Variants in RB1 observed in about 807,000 individuals in gnomAD.
RB1 encodes RB transcriptional corepressor 1, also known as retinoblastoma-associated protein.
A neutral mutation model predicts 135.4 loss-of-function variants in RB1; 18 were observed. The ratio of observed to expected loss-of-function variants is 0.13; its 90% CI spans 0.09 to 0.20. The LOEUF (loss-of-function observed/expected upper bound fraction) is 0.20. Among genes scored for constraint, RB1 ranks in the 10% least tolerant of loss-of-function variants. RB1 has a pLI of 1.00. For synonymous variants in RB1, 365 were observed against 373.2 expected, an observed-to-expected ratio of 0.98 and a Z score of 0.25; for missense variants, 868 against 1,110.0, an observed-to-expected ratio of 0.78 and a Z score of 3.10.
chr13:48,351,208 A>T (rs796398107), intron 6 of RB1, among the ~76,000 whole-genome samples: 29 of 152,250 alleles, frequency 1.9e-4, no homozygotes, highest in African/African-American at 6.5e-4. Context: ...AAGAGTGTAT[A>T]AGTGTTCTCT....
At chr13:48,463,299 G>A (rs1161972284) in intron 20 of RB1, among the ~76,000 whole-genome samples, 1 of 152,138 alleles carries the variant, frequency 6.6e-6, no homozygotes, top group African/African-American at 2.4e-5. Context: ...CAACACATAA[G>A]ACTCTCTTAC....
intron 12 of RB1, 37 bp from the exon 13 acceptor site, chr13:48,376,881 T>C (rs760425909): frequency 1.9e-6 from 3 of 1,612,106 alleles, no homozygotes; most frequent in Non-Finnish European, 2.5e-6. Flanking sequence ...GATTACACAG[T>C]ATCCTCGACA....
In RB1 at chr13:48,347,710, T is replaced by G. The variant is rs1952510456; in HGVS notation, c.501-115T>G. The stretch of plus-strand genomic sequence containing the variant: ...GAACTTTGTTTTATAATGCTATATA[T>G]TTTTTGTTTTTAAAATATATACTTC... On this transcript the variant is annotated intron_variant, in intron 4 of 26. Transcript: ENST00000267163. The G allele has an allele frequency of 8.6e-6, 6 of 694,662 alleles. No homozygotes were observed. In the East Asian group the frequency reaches 1.7e-4, roughly 19 times the overall value. 43.0% of individuals were successfully genotyped at this position (694,662 alleles called of 1,614,324 possible). A position where few individuals can be genotyped will look rare whatever the true frequency, so the allele number is the denominator to read the frequency against.
intron 2 of RB1, among the ~76,000 whole-genome samples, chr13:48,320,755 CG>C (rs1411407568): frequency 6.6e-6 from 1 of 151,572 alleles, no homozygotes; most frequent in African/African-American, 2.4e-5. Context: ...CGCTTGAAGC[CG>C]GAAGGTGGAG....
chr13:48,362,680 C>A, intron 7 of RB1, 135 bp from the exon 8 acceptor site: 2 of 941,244 alleles, frequency 2.1e-6, no homozygotes, highest in Non-Finnish European at 1.6e-6. Flanking sequence ...AATTGTTATC[C>A]TTCTAATGAA....
At chr13:48,359,961 C>T in intron 6 of RB1, 56 bp from the exon 7 acceptor site, 1 of 1,599,480 alleles carries the variant, frequency 6.3e-7, no homozygotes, top group Admixed American at 1.7e-5. Context: ...GCGATTTTCT[C>T]TCATACAAAG....
intron 11 of RB1, among the ~76,000 whole-genome samples, chr13:48,372,666 A>T (rs1002311424): frequency 7.9e-5 from 12 of 152,032 alleles, no homozygotes; most frequent in Non-Finnish European, 1.5e-4. Context: ...AAAAAAAGAA[A>T]AAGAAAAGAA....
intron 1 of RB1, 82 bp downstream of exon 1, chr13:48,304,131 G>A (rs2138028548): frequency 7.7e-7 from 1 of 1,307,076 alleles, no homozygotes; most frequent in South Asian, 2.1e-5. Context: ...CGGCTCGGCG[G>A]GGATCCGTCC....
chr13:48,358,831 A>G (rs117076800), intron 6 of RB1, among the ~76,000 whole-genome samples: 4 of 152,268 alleles, frequency 2.6e-5, no homozygotes, highest in Non-Finnish European at 5.9e-5. Context: ...AATGAAAGCA[A>G]AAGAATGTAC....
intron 21 of RB1, among the ~76,000 whole-genome samples, chr13:48,464,436 C>T (rs932312934): frequency 2.6e-5 from 4 of 152,238 alleles, no homozygotes; most frequent in Admixed American, 6.5e-5. Flanking sequence ...TTGTATATAT[C>T]AGAGGCATCT....
intron 7 of RB1, among the ~76,000 whole-genome samples, chr13:48,362,291 G>A (rs1223638907): frequency 1.5e-5 from 2 of 130,602 alleles, no homozygotes; most frequent in Non-Finnish European, 3.3e-5. Flanking sequence ...GTTTGGATTG[G>A]GAATGCTGAA....
intron 6 of RB1, among the ~76,000 whole-genome samples, chr13:48,349,701 C>CATAATG (rs1952530190): frequency 6.6e-6 from 1 of 151,854 alleles, no homozygotes; most frequent in Non-Finnish European, 1.5e-5. Context: ...CCAATAATAA[C>CATAATG]GTTGAACATA....
chr13:48,316,132 G>C (rs1952179394), intron 2 of RB1, among the ~76,000 whole-genome samples: 1 of 152,156 alleles, frequency 6.6e-6, no homozygotes, highest in African/African-American at 2.4e-5. Flanking sequence ...AGCAGCCGCT[G>C]ACATCCGCGG....
In RB1 at chr13:48,364,921, A is replaced by G. The variant is rs1286975378; in HGVS notation, c.889A>G (p.Ile297Val). The G allele has an allele frequency of 6.4e-7, 1 of 1,565,108 alleles. No individual in the cohort carries two copies. Among genetic ancestry groups the G allele is most frequent in the Non-Finnish European group, 8.7e-7 (1 of 1,151,128 alleles). ...GAAAAATGTTTATTTCAAAAATTTT[A>G]TACCTTTTATGAATTCTCTTGGACT... ...EVKNVYFKNF[I>V]PFMNSLGLVT... The change falls in exon 9 of 27, where the codon ATA (isoleucine) becomes GTA (valine). Residue 297 changes from isoleucine (I) to valine (V), a missense_variant. Physicochemically the swap from Ile to Val is conservative, Grantham distance 29. This residue lies in a region of RB1 where 641 missense variants were observed against 791.3 expected (regional missense o/e 0.81). Coordinates refer to ENST00000267163, the MANE Select transcript of RB1 (RefSeq NM_000321.3).
chr13:48,414,262 G>A (rs147133073), intron 17 of RB1, among the ~76,000 whole-genome samples: 1 of 151,540 alleles, frequency 6.6e-6, no homozygotes, highest in South Asian at 2.1e-4. Context: ...CAGGAGAATC[G>A]CTTGAACCTG....
intron 18 of RB1, among the ~76,000 whole-genome samples, chr13:48,455,954 T>C (rs1230453939): frequency 3.3e-5 from 5 of 152,230 alleles, no homozygotes; most frequent in Admixed American, 6.5e-5. Flanking sequence ...TTGTACATTA[T>C]ACATATATAG....
At chr13:48,436,513 C>T (rs1465023910) in intron 17 of RB1, among the ~76,000 whole-genome samples, 1 of 152,018 alleles carries the variant, frequency 6.6e-6, no homozygotes, top group Non-Finnish European at 1.5e-5. Flanking sequence ...TATGGTGGCA[C>T]ATGCCTGTAA....
intron 17 of RB1, among the ~76,000 whole-genome samples, chr13:48,419,742 A>C (rs1243530127): frequency 1.3e-5 from 2 of 152,250 alleles, no homozygotes; most frequent in Non-Finnish European, 2.9e-5. Flanking sequence ...AACTACCATC[A>C]GAGAATACTG....
intron 21 of RB1, among the ~76,000 whole-genome samples, chr13:48,464,123 T>C (rs1046747589): frequency 6.6e-5 from 10 of 152,188 alleles, no homozygotes; most frequent in Admixed American, 2.0e-4. Context: ...ACATGAGTCA[T>C]AGAACATTAG....
Sources: allele counts gnomAD v4.1 joint callset (sites outside exome capture counted in the v4.1 genomes callset), GRCh38; gene constraint gnomAD v4.1.1; regional missense constraint gnomAD v4.1.1; transcripts MANE v1.5; gene names NCBI Gene and HGNC (gene_info 2026-07-23, HGNC 2026-07-21).